The following CREB5 variants were observed in gnomAD, a reference collection of about 807,000 sequenced individuals.
The protein encoded by CREB5 is cyclic AMP-responsive element-binding protein 5.
CREB5 carries 19 observed loss-of-function variants against 57.1 expected under a neutral mutation model. The ratio of observed to expected loss-of-function variants is 0.33; its 90% CI spans 0.23 to 0.49. CREB5 has a LOEUF of 0.49. CREB5 is among the 20% of genes least tolerant of loss of function. CREB5 has a pLI of 0.99. For missense variants in CREB5, 579 were observed against 671.6 expected, an observed-to-expected ratio of 0.86 and a Z score of 1.52; for synonymous variants, 238 against 238.3, an observed-to-expected ratio of 1.00 and a Z score of 0.01.
chr7:28,434,064 GT>G (rs1304923982), intron 1 of CREB5, among the ~76,000 whole-genome samples: 1 of 151,960 alleles, frequency 6.6e-6, no homozygotes, highest in Admixed American at 6.6e-5. Context: ...ACGGCTTCTG[GT>G]TTATGCCATT....
intron 1 of CREB5, among the ~76,000 whole-genome samples, chr7:28,463,950 C>T (rs1325720659): frequency 3.3e-5 from 5 of 152,144 alleles, no homozygotes; most frequent in African/African-American, 4.8e-5. Context: ...CTAAAACCTT[C>T]AGTGAAATAG....
chr7:28,354,653 G>C (rs1372476879), intron 1 of CREB5, among the ~76,000 whole-genome samples: 1 of 152,172 alleles, frequency 6.6e-6, no homozygotes, highest in East Asian at 1.9e-4. Context: ...CAGTGCCAGG[G>C]CCCTCCCTGT....
rs536392433 is a variant in CREB5, at chr7:28,673,151, G to A, written c.465-45602G>A. ...GATTTTCAGAAACATCCACAATTTA[G>A]CGTTTAAATCTTAAAATGTATTAAT... On this transcript the variant is annotated intron_variant, in intron 5 of 10. Transcript: ENST00000357727. Among the ~76,000 whole-genome samples, 112 of 152,302 alleles carry A rather than the reference G, an allele frequency of 7.4e-4. 1 individual carries two copies. The highest frequency in any genetic ancestry group is 1.1e-3 in the Non-Finnish European group (76 of 68,028).
intron 5 of CREB5, among the ~76,000 whole-genome samples, chr7:28,682,299 C>A (rs1800635076): frequency 6.6e-6 from 1 of 152,186 alleles, no homozygotes; most frequent in Non-Finnish European, 1.5e-5. Flanking sequence ...CACCAGGTCA[C>A]CTAGGCGGCC....
At chr7:28,711,565 C>T (rs1384787072) in intron 5 of CREB5, among the ~76,000 whole-genome samples, 1 of 152,140 alleles carries the variant, frequency 6.6e-6, no homozygotes, top group African/African-American at 2.4e-5. Flanking sequence ...GCAGCTTTCT[C>T]GTGTTCCTAA....
chr7:28,767,919 G>T (rs1583700185), intron 7 of CREB5, among the ~76,000 whole-genome samples: 2 of 152,162 alleles, frequency 1.3e-5, no homozygotes, highest in Non-Finnish European at 2.9e-5. Context: ...TTACAAATAT[G>T]ATAAAGTTTA....
chr7:28,437,524 T>C (rs1420636365), intron 1 of CREB5, among the ~76,000 whole-genome samples: 3 of 152,180 alleles, frequency 2.0e-5, no homozygotes, highest in Non-Finnish European at 2.9e-5. Flanking sequence ...TATTAGATGC[T>C]TGTTGGTTCA....
At chr7:28,500,727 G>T (rs1170055612) in intron 3 of CREB5, among the ~76,000 whole-genome samples, 2 of 152,094 alleles carry the variant, frequency 1.3e-5, no homozygotes, top group African/African-American at 4.8e-5. Context: ...AATAATCCCT[G>T]GGCATTTTAA....
At chr7:28,712,438 G>T (rs1199149008) in intron 5 of CREB5, among the ~76,000 whole-genome samples, 1 of 150,200 alleles carries the variant, frequency 6.7e-6, no homozygotes, top group African/African-American at 2.5e-5. Flanking sequence ...AACCCAGGAG[G>T]CGGAGGTTGC....
At chr7:28,369,355 G>A (rs1786659415) in intron 1 of CREB5, among the ~76,000 whole-genome samples, 1 of 152,176 alleles carries the variant, frequency 6.6e-6, no homozygotes, top group African/African-American at 2.4e-5. Flanking sequence ...GCAATGACGT[G>A]GAATTGGAGC....
At chr7:28,536,942 G>A (rs1793986284) in intron 4 of CREB5, among the ~76,000 whole-genome samples, 1 of 152,168 alleles carries the variant, frequency 6.6e-6, no homozygotes, top group African/African-American at 2.4e-5. Context: ...TTCCAAAAGT[G>A]GTACCACTGC....
At chr7:28,776,265 G>T (rs1450923044) in intron 7 of CREB5, among the ~76,000 whole-genome samples, 1 of 151,326 alleles carries the variant, frequency 6.6e-6, no homozygotes, top group Non-Finnish European at 1.5e-5. Context: ...GTGATCCCGG[G>T]AGGCGGAGCT....
chr7:28,514,541 G>A (rs2128611040), intron 4 of CREB5, among the ~76,000 whole-genome samples: 1 of 152,154 alleles, frequency 6.6e-6, no homozygotes, highest in Non-Finnish European at 1.5e-5. Flanking sequence ...GACTACAGGC[G>A]CCGGCCACTA....
intron 4 of CREB5, among the ~76,000 whole-genome samples, chr7:28,562,937 C>T (rs555400538): frequency 6.6e-6 from 1 of 152,306 alleles, no homozygotes; most frequent in African/African-American, 2.4e-5. Flanking sequence ...GACTTAGAAG[C>T]AGCAGGGCTT....
chr7:28,435,107 T>C (rs970185696), intron 1 of CREB5, among the ~76,000 whole-genome samples: 5 of 151,368 alleles, frequency 3.3e-5, no homozygotes, highest in Admixed American at 2.0e-4. Context: ...TTTTTTTTTT[T>C]TCCTCCCTCA....
chr7:28,707,564 T>G (rs1802181155), intron 5 of CREB5, among the ~76,000 whole-genome samples: 1 of 152,204 alleles, frequency 6.6e-6, no homozygotes, highest in South Asian at 2.1e-4. Context: ...CCACTATGTC[T>G]GGAATAAGTG....
chr7:28,322,563 A>T lies in CREB5; in HGVS notation c.-25+23122A>T, dbSNP rs540964113. 1.1e-4 allele frequency among the ~76,000 whole-genome samples: 17 copies of T among 152,070 alleles called. No homozygotes were observed. The South Asian group carries it at 3.5e-3, about 32-fold the overall frequency. On this transcript the variant is annotated intron_variant, in intron 1 of 9. Coordinates refer to the CREB5 transcript ENST00000396299. ...CATCTAGGCTTTAACCCCCTAATAC[A>T]TTAGGTATTTGTCCTAATGCCCTCC...
chr7:28,646,738 G>T (rs771100588), intron 5 of CREB5, among the ~76,000 whole-genome samples: 5 of 151,880 alleles, frequency 3.3e-5, no homozygotes, highest in Non-Finnish European at 7.4e-5. Flanking sequence ...ATTGGAATGT[G>T]TTTTTTTTAA....
chr7:28,692,491 T>C (rs1043183199), intron 5 of CREB5, among the ~76,000 whole-genome samples: 1 of 152,184 alleles, frequency 6.6e-6, no homozygotes, highest in African/African-American at 2.4e-5. Context: ...GAAAAGAGCA[T>C]GGCCTTTGGG....
Sources: allele counts gnomAD v4.1 joint callset (sites outside exome capture counted in the v4.1 genomes callset), GRCh38; gene constraint gnomAD v4.1.1; transcripts MANE v1.5; gene names NCBI Gene and HGNC (gene_info 2026-07-23, HGNC 2026-07-21).